The following USP8 variants were observed in gnomAD, a reference collection of about 807,000 sequenced individuals.
USP8 encodes the protein ubiquitin carboxyl-terminal hydrolase 8.
USP8 carries 27 observed loss-of-function variants against 130.0 expected under a neutral mutation model. The ratio of observed to expected loss-of-function variants is 0.21; its 90% CI spans 0.15 to 0.29. The LOEUF (loss-of-function observed/expected upper bound fraction) is 0.29. Among genes scored for constraint, USP8 ranks in the 10% least tolerant of loss-of-function variants. USP8 has a pLI of 1.00. For synonymous variants in USP8, 392 were observed against 444.1 expected (o/e 0.88, Z 1.48); for missense variants, 1,029 against 1,312.2 (o/e 0.78, Z 3.33).
At chr15:50,492,328 G>C (rs1387477480) in intron 14 of USP8, among the ~76,000 whole-genome samples, 2 of 151,964 alleles carry the variant, frequency 1.3e-5, no homozygotes, top group African/African-American at 4.8e-5. Context: ...TTGGCATTCT[G>C]GGTGAGTTCA....
rs192570442 is a variant in USP8 at position 50,504,796 on chromosome 15, G to A, written c.*5708G>A. 1 of 149,878 alleles carries A rather than the reference G, an allele frequency of 6.7e-6. No homozygotes were observed. The highest frequency in any genetic ancestry group is 1.5e-5 in the Non-Finnish European group (1 of 67,696). 9.3% of individuals were successfully genotyped at this position (149,878 alleles called of 1,614,324 possible). ...AGTTCAAGACCAACCTGGTACACAT[G>A]GTGAAACCCTGTCTCTATTAAAAAA... On this transcript the variant is annotated 3_prime_UTR_variant, in exon 20 of 20. Coordinates refer to ENST00000307179, the MANE Select transcript of USP8 (RefSeq NM_005154.5).
At chr15:50,480,488 G>A (rs895058738) in intron 10 of USP8, among the ~76,000 whole-genome samples, 1 of 152,166 alleles carries the variant, frequency 6.6e-6, no homozygotes, top group South Asian at 2.1e-4. Flanking sequence ...TATTATAAGA[G>A]CATGTATCAG....
intron 1 of USP8, among the ~76,000 whole-genome samples, chr15:50,429,378 A>T (rs1290711148): frequency 1.5e-5 from 2 of 130,184 alleles, no homozygotes; most frequent in African/African-American, 3.0e-5. Context: ...ATGATTTTTT[A>T]AAATTTTGGT....
chr15:50,434,764 G>T (rs2050045828), intron 1 of USP8, among the ~76,000 whole-genome samples: 1 of 151,774 alleles, frequency 6.6e-6, no homozygotes, highest in Admixed American at 6.6e-5. Context: ...TTACAGGCAT[G>T]TGCCACCACC....
chr15:50,493,927 G>A (rs753163789), intron 15 of USP8, 143 bp from the exon 16 acceptor site: 11 of 985,062 alleles, frequency 1.1e-5, no homozygotes, highest in African/African-American at 1.6e-5. Context: ...TGAGAATCTG[G>A]TGGTGAGCCT....
Position 50,449,890 on chromosome 15 carries a change from C to CTT in USP8, c.335+425_335+426dup, listed in dbSNP as rs1198558839. ...GCCACCATGCCTGGCCCCAATATTT[C>CTT]TTTTTTTTTTTTTTTTTTTTTCTGA... On this transcript the variant is annotated intron_variant, in intron 4 of 19. Transcript: ENST00000307179. Among the ~76,000 whole-genome samples, 132 of 78,924 alleles carry CTT rather than the reference C, an allele frequency of 1.7e-3. 2 individuals are homozygous for CTT. The highest frequency in any genetic ancestry group is 2.4e-3 in the East Asian group (6 of 2,492). The allele number at this position is 78,924 out of a possible 152,430, so 51.8% of individuals were successfully genotyped here.
At chr15:50,484,169 CTTTTACA>C (rs2051871091) in intron 11 of USP8, 99 bp from the exon 12 acceptor site, 1 of 821,422 alleles carries the variant, frequency 1.2e-6, no homozygotes, top group African/African-American at 1.8e-5. Flanking sequence ...TTTTTTTCTC[CTTTTACA>C]TTTTCATTCT....
rs1035019965 is a variant in USP8, at chr15:50,509,268, G to A, written c.*10180G>A. ...GGAGGCAGAGGTTGCAGTGAGCCAA[G>A]ATCACACCACTGCACTCCAGCCTGG... is the stretch of plus-strand genomic sequence containing the variant. On this transcript the variant is annotated 3_prime_UTR_variant, in exon 20 of 20. Transcript: ENST00000307179. 2 of 152,056 alleles carry A rather than the reference G, an allele frequency of 1.3e-5. No homozygotes were observed. Among genetic ancestry groups the A allele is most frequent in the South Asian group, 2.1e-4 (1 of 4,792 alleles). 9.4% of individuals were successfully genotyped at this position (152,056 alleles called of 1,614,324 possible).
At position 50,471,697 on chromosome 15, in the gene USP8, G is replaced by C; in HGVS notation, c.751G>C (p.Gly251Arg). Reference sequence around the variant, plus strand: ...TTCTAAAGACACATGGAAGAAGAGGGGGAATGTGGAGTATGTGGTACTTCT... The same window carrying C: ...TTCTAAAGACACATGGAAGAAGAGGCGGAATGTGGAGTATGTGGTACTTCT... ...DDSKDTWKKR[G>R]NVEYVVLLDW... is the part of the protein sequence containing the mutation. The change falls in exon 8 of 20, where the codon GGG (glycine) becomes CGG (arginine). Residue 251 changes from glycine to arginine, a missense_variant. This residue lies in a region of USP8 where 281 missense variants were observed against 336.7 expected (regional missense o/e 0.83). Transcript: ENST00000307179. The C allele has an allele frequency of 1.9e-6, 3 of 1,614,030 alleles. No homozygotes were observed. The East Asian group carries it at 6.7e-5, about 36-fold the overall frequency.
At chr15:50,451,562 C>T (rs2050630249) in intron 4 of USP8, among the ~76,000 whole-genome samples, 1 of 152,178 alleles carries the variant, frequency 6.6e-6, no homozygotes, top group African/African-American at 2.4e-5. Flanking sequence ...CTTTCCAATT[C>T]TAAGGCTTTT....
At chr15:50,457,056 A>G (rs2141275433) in intron 4 of USP8, among the ~76,000 whole-genome samples, 1 of 152,326 alleles carries the variant, frequency 6.6e-6, no homozygotes, top group Admixed American at 6.5e-5. Context: ...GAATGATCTT[A>G]TTGATAGATG....
intron 8 of USP8, among the ~76,000 whole-genome samples, chr15:50,474,423 C>T (rs2051492717): frequency 1.3e-5 from 2 of 152,104 alleles, no homozygotes; most frequent in African/African-American, 2.4e-5. Flanking sequence ...TCTTAAAAGC[C>T]TTAGAACAAT....
rs142318657 is a variant in USP8 at position 50,449,433 on chromosome 15, A to G, written c.283A>G (p.Ile95Val). 1.9e-6 allele frequency: 3 copies of G among 1,598,878 alleles called. No homozygotes were observed. The highest frequency in any genetic ancestry group is 1.1e-5 in the South Asian group (1 of 88,158). ...YFHSILGPGN[I>V]KKAVEEAERL... ...CCATTCAATACTTGGACCTGGAAAC[A>G]TCAAAAAAGCTGTCGAAGAAGCTGA... Residue 95 changes from isoleucine (I) to valine (V), a missense_variant, in exon 4 of 20, where the codon ATC becomes GTC. This residue lies in a region of USP8 where 281 missense variants were observed against 336.7 expected (regional missense o/e 0.83). Coordinates refer to ENST00000307179, the MANE Select transcript of USP8 (RefSeq NM_005154.5).
Position 50,499,383 on chromosome 15 carries a change from G to T in USP8, c.*295G>T. ...TTATTCGACTGGTCTAAAAACTATT[G>T]TTATCTTTTTTTTTTCCTTTTCACT... On this transcript the variant is annotated 3_prime_UTR_variant, in exon 20 of 20. Transcript: ENST00000307179. 1 of 205,160 alleles carries T rather than the reference G, an allele frequency of 4.9e-6. No individual in the cohort carries two copies. The highest frequency in any genetic ancestry group is 8.9e-6 in the Non-Finnish European group (1 of 112,742). 12.7% of individuals were successfully genotyped at this position (205,160 alleles called of 1,614,324 possible). A position where few individuals can be genotyped will look rare whatever the true frequency, so the allele number is the denominator to read the frequency against.
chr15:50,480,825 G>T (rs1431879625), intron 10 of USP8, among the ~76,000 whole-genome samples: 1 of 151,958 alleles, frequency 6.6e-6, no homozygotes, highest in Non-Finnish European at 1.5e-5. Context: ...ATTGGGGGGC[G>T]GGGGCAAGAG....
At chr15:50,447,263 C>T (rs539199341) in intron 3 of USP8, among the ~76,000 whole-genome samples, 10 of 152,270 alleles carry the variant, frequency 6.6e-5, no homozygotes, top group South Asian at 2.1e-4. Flanking sequence ...TGTTTTCAAA[C>T]GGAGTCTTGC....
rs1364612505 is a variant in USP8, at chr15:50,445,525, G to A, written c.250-3875G>A. On this transcript the variant is annotated intron_variant, in intron 3 of 19. Coordinates refer to ENST00000307179, the MANE Select transcript of USP8 (RefSeq NM_005154.5). ...CGCACCACTGCACTCCAGCCTGGGC[G>A]ACAGAGCAAGAGTCTGTCTCAAAAA... Among the ~76,000 whole-genome samples the A allele has an allele frequency of 7.8e-3, 556 of 70,842 alleles. No homozygotes were observed. The Middle Eastern group carries it at 0.083, about 11-fold the overall frequency. The allele number at this position is 70,842 out of a possible 152,430, so 46.5% of individuals were successfully genotyped here.
chr15:50,473,317 T>C (rs1291152244), intron 8 of USP8, among the ~76,000 whole-genome samples: 1 of 152,166 alleles, frequency 6.6e-6, no homozygotes. Flanking sequence ...ACATATTCTC[T>C]CATGTAATTT....
At chr15:50,467,287 C>T (rs1382594287) in intron 7 of USP8, among the ~76,000 whole-genome samples, 1 of 152,064 alleles carries the variant, frequency 6.6e-6, no homozygotes, top group African/African-American at 2.4e-5. Flanking sequence ...GGAAGTTTCC[C>T]AAAATGTGAG....
Sources: gnomAD v4.1 joint callset for allele counts (sites outside exome capture counted in the v4.1 genomes callset) on GRCh38, gnomAD v4.1.1 for gene constraint, gnomAD v4.1.1 regional missense constraint, MANE v1.5 for transcripts, NCBI Gene and HGNC (gene_info 2026-07-23, HGNC 2026-07-21) for gene names.